LINGO2: variants seen among roughly 807,000 people sequenced by gnomAD.
LINGO2 encodes leucine rich repeat and Ig domain containing 2, also known as leucine-rich repeat and immunoglobulin-like domain-containing nogo receptor-interacting protein 2.
A neutral mutation model predicts 30.6 loss-of-function variants in LINGO2; 14 were observed. That is an observed-to-expected ratio of 0.46 (90% CI 0.30 to 0.72). LINGO2 has a LOEUF of 0.72. Among genes scored for constraint, LINGO2 ranks in the 30% least tolerant of loss-of-function variants. LINGO2 has a pLI of 0.07. For synonymous variants in LINGO2, 317 were observed against 288.5 expected (o/e 1.10, Z -1.00); for missense variants, 729 against 751.7 (o/e 0.97, Z 0.35).
intron 2 of LINGO2, among the ~76,000 whole-genome samples, chr9:28,391,547 T>C (rs1192202422): frequency 6.6e-6 from 1 of 152,136 alleles, no homozygotes; most frequent in East Asian, 1.9e-4. Context: ...CTTATTATTC[T>C]GTCTTGTCCT....
chr9:28,880,655 G>A, the LINGO2 span, among the ~76,000 whole-genome samples: 1 of 152,150 alleles, frequency 6.6e-6, no homozygotes, highest in Non-Finnish European at 1.5e-5. Flanking sequence ...GGTCTGTGCT[G>A]AGGGGGACTG....
At chr9:28,827,121 T>C in the LINGO2 span, among the ~76,000 whole-genome samples, 1 of 152,192 alleles carries the variant, frequency 6.6e-6, no homozygotes, top group East Asian at 1.9e-4. Context: ...AGGCACAGCA[T>C]ATAGTAATAA....
At chr9:28,535,993 A>C (rs2135443932) in intron 1 of LINGO2, among the ~76,000 whole-genome samples, 1 of 152,320 alleles carries the variant, frequency 6.6e-6, no homozygotes, top group South Asian at 2.1e-4. Context: ...CATTGGATAG[A>C]CACTTGATGA....
intron 2 of LINGO2, among the ~76,000 whole-genome samples, chr9:28,411,887 T>C (rs2134818646): frequency 6.6e-6 from 1 of 152,110 alleles, no homozygotes; most frequent in East Asian, 1.9e-4. Context: ...CCATTAACAG[T>C]GTACAAAGTT....
At chr9:28,415,808 T>TAAAA (rs1822945803) in intron 2 of LINGO2, among the ~76,000 whole-genome samples, 3 of 152,164 alleles carry the variant, frequency 2.0e-5, no homozygotes, top group Non-Finnish European at 2.9e-5. Flanking sequence ...TACAAGCAAT[T>TAAAA]ATTATATAGT....
At chr9:28,695,862 G>T in the LINGO2 span, among the ~76,000 whole-genome samples, 1 of 151,566 alleles carries the variant, frequency 6.6e-6, no homozygotes, top group East Asian at 1.9e-4. Flanking sequence ...TTCCCCAATT[G>T]ATAATTTTTA....
At chr9:28,655,859 C>A (rs1296691638) in intron 1 of LINGO2, among the ~76,000 whole-genome samples, 1 of 152,094 alleles carries the variant, frequency 6.6e-6, no homozygotes, top group Non-Finnish European at 1.5e-5. Flanking sequence ...AATTAAACTT[C>A]TTTCCTTTGT....
chr9:28,622,852 T>C (rs1262124712), intron 1 of LINGO2, among the ~76,000 whole-genome samples: 1 of 152,012 alleles, frequency 6.6e-6, no homozygotes, highest in African/African-American at 2.4e-5. Flanking sequence ...TCAGCATTGA[T>C]TATTGCCTGT....
At chr9:29,082,948 G>C in the LINGO2 span, among the ~76,000 whole-genome samples, 1 of 152,116 alleles carries the variant, frequency 6.6e-6, no homozygotes, top group South Asian at 2.1e-4. Flanking sequence ...TGCTGGAGAG[G>C]ATGTGGAGAA....
At chr9:28,371,855 A>C (rs1331868) in intron 3 of LINGO2, among the ~76,000 whole-genome samples, 119,022 of 151,892 alleles carry the variant, frequency 0.78, 47,861 homozygotes, top group Middle Eastern at 0.9. Context: ...TAGGGAAACT[A>C]TGCTCATTTA....
chr9:28,474,119 A>G (rs1395892328), intron 2 of LINGO2, among the ~76,000 whole-genome samples: 2 of 152,192 alleles, frequency 1.3e-5, no homozygotes, highest in South Asian at 2.1e-4. Context: ...AAGCCACAAA[A>G]TCATCTTACA....
At chr9:28,414,607 G>A (rs1005690281) in intron 2 of LINGO2, among the ~76,000 whole-genome samples, 6 of 152,032 alleles carry the variant, frequency 3.9e-5, no homozygotes, top group South Asian at 2.1e-4. Context: ...TAGAGTCCCC[G>A]AAACTAATAA....
At chr9:28,031,524 G>A (rs1454361717) in intron 4 of LINGO2, among the ~76,000 whole-genome samples, 1 of 152,150 alleles carries the variant, frequency 6.6e-6, no homozygotes, top group Admixed American at 6.5e-5. Flanking sequence ...GCATCAGATT[G>A]CTTTAGTAGG....
chr9:28,617,369 C>T (rs1404041833), intron 1 of LINGO2, among the ~76,000 whole-genome samples: 1 of 151,600 alleles, frequency 6.6e-6, no homozygotes, highest in African/African-American at 2.4e-5. Flanking sequence ...GATCTCGGAT[C>T]ACTGCAACTT....
Position 28,603,482 on chromosome 9 carries a change from G to A in LINGO2, c.-365+66718C>T, listed in dbSNP as rs567501471. ...AGTGGTTTCTGAACTGATGTCTGCA[G>A]AATATTCTAAATTGTAGCCACATTA... On this transcript the variant is annotated intron_variant, in intron 1 of 5. Transcript: ENST00000379992. 1.6e-4 allele frequency among the ~76,000 whole-genome samples: 25 copies of A among 152,106 alleles called. No homozygotes were observed. In the South Asian group the frequency reaches 5.0e-3, roughly 30 times the overall value.
the LINGO2 span, among the ~76,000 whole-genome samples, chr9:28,769,721 C>T: frequency 9.6e-5 from 14 of 145,878 alleles, no homozygotes; most frequent in African/African-American, 3.3e-4. Flanking sequence ...TTCTGTTCTT[C>T]TGCTTTAGTT....
chr9:28,835,317 A>C, the LINGO2 span, among the ~76,000 whole-genome samples: 1 of 152,224 alleles, frequency 6.6e-6, no homozygotes, highest in African/African-American at 2.4e-5. Flanking sequence ...GGAGCAAAGG[A>C]TATTAAGTAG....
At chr9:28,201,485 G>A (rs867967961) in intron 4 of LINGO2, among the ~76,000 whole-genome samples, 9 of 149,470 alleles carry the variant, frequency 6.0e-5, no homozygotes, top group South Asian at 2.2e-4. Context: ...TCATTGTTGG[G>A]CATTTGGGTT....
chr9:28,773,248 G>A, the LINGO2 span, among the ~76,000 whole-genome samples: 1 of 151,066 alleles, frequency 6.6e-6, no homozygotes, highest in African/African-American at 2.4e-5. Flanking sequence ...GCCTGTAGTC[G>A]CAGCTACTCA....
Sources: allele counts gnomAD v4.1 joint callset (sites outside exome capture counted in the v4.1 genomes callset), GRCh38; gene constraint gnomAD v4.1.1; transcripts MANE v1.5; gene names NCBI Gene and HGNC (gene_info 2026-07-23, HGNC 2026-07-21).